The following DOCK1 variants were observed in gnomAD, a reference collection of about 807,000 sequenced individuals.
The protein encoded by DOCK1 is dedicator of cytokinesis 1, also known as dedicator of cytokinesis protein 1.
Under a neutral mutation model 262.7 loss-of-function variants are expected in DOCK1, and 138 were observed. That is an observed-to-expected ratio of 0.53 (90% CI 0.46 to 0.61). DOCK1 has a LOEUF of 0.61. Among genes scored for constraint, DOCK1 ranks in the 20% least tolerant of loss-of-function variants. DOCK1 has a pLI of 0.00. For missense variants in DOCK1, 1,908 were observed against 2,370.7 expected (o/e 0.80, Z 4.05); for synonymous variants, 866 against 867.4 (o/e 1.00, Z 0.03).
At chr10:127,083,834 A>G (rs2047048648) in intron 23 of DOCK1, among the ~76,000 whole-genome samples, 1 of 152,230 alleles carries the variant, frequency 6.6e-6, no homozygotes. Context: ...CAGGAGAGAA[A>G]ACAAATTACA....
intron 25 of DOCK1, among the ~76,000 whole-genome samples, chr10:127,114,620 A>G (rs761214611): frequency 1.0e-5 from 1 of 97,644 alleles, no homozygotes; most frequent in African/African-American, 3.5e-5. Flanking sequence ...TGCATTCAAG[A>G]TACCTTTTGG....
At chr10:126,974,207 G>A (rs1283719082) in intron 2 of DOCK1, among the ~76,000 whole-genome samples, 4 of 152,126 alleles carry the variant, frequency 2.6e-5, no homozygotes, top group Non-Finnish European at 4.4e-5. Context: ...TGCCAATCCT[G>A]CTGTCGACTC....
rs1003358247 is a variant in DOCK1 at position 126,953,771 on chromosome 10, A to T, written c.47-16931A>T. On this transcript the variant is annotated intron_variant, in intron 1 of 51. Transcript: ENST00000623213. ...GGGGTTAGAGGGTGTGTGGCTGCTC[A>T]GTGGTCAGCTTTGATGTCACCTGAA... is the stretch of plus-strand genomic sequence containing the variant. Among the ~76,000 whole-genome samples the T allele has an allele frequency of 3.3e-5, 5 of 152,172 alleles. No individual in the cohort carries two copies. The South Asian group carries it at 1.0e-3, about 32-fold the overall frequency.
chr10:127,093,498 G>C (rs528050634), intron 23 of DOCK1, among the ~76,000 whole-genome samples: 4 of 151,638 alleles, frequency 2.6e-5, no homozygotes, highest in South Asian at 4.2e-4. Context: ...GATCACAGAC[G>C]CGTGCCATTG....
intron 29 of DOCK1, among the ~76,000 whole-genome samples, chr10:127,262,623 G>A (rs753830037): frequency 3.3e-5 from 5 of 152,206 alleles, no homozygotes; most frequent in Non-Finnish European, 7.3e-5. Flanking sequence ...GAAACTGTCT[G>A]GAGACAGCTT....
At chr10:127,291,269 G>T (rs2061336847) in intron 29 of DOCK1, among the ~76,000 whole-genome samples, 1 of 152,190 alleles carries the variant, frequency 6.6e-6, no homozygotes, top group Non-Finnish European at 1.5e-5. Flanking sequence ...AAGTGGTATC[G>T]AATTTTACCT....
At chr10:127,060,923 A>G (rs2045488042) in intron 22 of DOCK1, among the ~76,000 whole-genome samples, 1 of 152,260 alleles carries the variant, frequency 6.6e-6, no homozygotes, top group Admixed American at 6.5e-5. Flanking sequence ...AATTTGTGAC[A>G]TAATGGGTTT....
chr10:127,205,532 C>T (rs759731208), intron 27 of DOCK1, among the ~76,000 whole-genome samples: 5 of 152,158 alleles, frequency 3.3e-5, no homozygotes, highest in East Asian at 3.9e-4. Context: ...CTCTTGATGG[C>T]GTAAGTGGAT....
intron 29 of DOCK1, among the ~76,000 whole-genome samples, chr10:127,306,564 G>A (rs1052900736): frequency 6.6e-6 from 1 of 152,182 alleles, no homozygotes; most frequent in African/African-American, 2.4e-5. Flanking sequence ...GAGCTCTCGG[G>A]TCGCTGGGAG....
At chr10:127,149,738 G>A (rs1018822801) in intron 27 of DOCK1, among the ~76,000 whole-genome samples, 1 of 152,204 alleles carries the variant, frequency 6.6e-6, no homozygotes, top group African/African-American at 2.4e-5. Flanking sequence ...TGGCAGCTGT[G>A]ATGGCCCCAC....
At chr10:126,964,221 T>C in intron 1 of DOCK1, among the ~76,000 whole-genome samples, 1 of 152,314 alleles carries the variant, frequency 6.6e-6, no homozygotes, top group East Asian at 1.9e-4. Context: ...CTACATGGTG[T>C]TTCCTGAATG....
At chr10:126,997,985 G>A in intron 7 of DOCK1, 107 bp from the exon 8 acceptor site, 2 of 1,432,508 alleles carry the variant, frequency 1.4e-6, no homozygotes, top group East Asian at 2.5e-5. Flanking sequence ...CCTTTGCTGG[G>A]TTATGCCAAT....
At chr10:127,099,543 A>G (rs746310361) in intron 23 of DOCK1, among the ~76,000 whole-genome samples, 1 of 152,146 alleles carries the variant, frequency 6.6e-6, no homozygotes, top group South Asian at 2.1e-4. Flanking sequence ...GCTTCTGCTC[A>G]TGACAGAAGG....
intron 23 of DOCK1, among the ~76,000 whole-genome samples, chr10:127,064,215 T>A (rs2045714135): frequency 6.6e-6 from 1 of 152,142 alleles, no homozygotes. Flanking sequence ...TTCAAGTGAT[T>A]CTCCTGCCTC....
At chr10:127,137,768 T>G in intron 27 of DOCK1, 2 of 1,433,118 alleles carry the variant, frequency 1.4e-6, no homozygotes, top group Non-Finnish European at 1.9e-6. Context: ...CCTATTCATT[T>G]TGGAAAAGTA....
At chr10:127,125,839 A>G (rs538012660) in intron 26 of DOCK1, among the ~76,000 whole-genome samples, 1 of 152,126 alleles carries the variant, frequency 6.6e-6, no homozygotes, top group Non-Finnish European at 1.5e-5. Flanking sequence ...TCTCGACGAA[A>G]TGTCTCTCAG....
chr10:126,953,484 ATAT>A (rs1467695054), intron 1 of DOCK1, among the ~76,000 whole-genome samples: 5 of 149,866 alleles, frequency 3.3e-5, no homozygotes, highest in Admixed American at 6.6e-5. Context: ...AGTGGTAGCA[ATAT>A]TATTGATAGC....
At chr10:127,088,351 A>G (rs2136073258) in intron 23 of DOCK1, among the ~76,000 whole-genome samples, 1 of 152,316 alleles carries the variant, frequency 6.6e-6, no homozygotes, top group Admixed American at 6.5e-5. Flanking sequence ...CTTGATTGTA[A>G]GCAGAGATGT....
intron 47 of DOCK1, among the ~76,000 whole-genome samples, chr10:127,429,799 C>T (rs1356701546): frequency 2.0e-5 from 3 of 150,684 alleles, no homozygotes; most frequent in South Asian, 2.1e-4. Context: ...CATTGGCCCC[C>T]GTGCCCTCAC....
Sources: gnomAD v4.1 joint callset for allele counts (sites outside exome capture counted in the v4.1 genomes callset) on GRCh38, gnomAD v4.1.1 for gene constraint, MANE v1.5 for transcripts, NCBI Gene and HGNC (gene_info 2026-07-23, HGNC 2026-07-21) for gene names.